Variants in PCBP3 observed in about 807,000 individuals in gnomAD.
The protein encoded by PCBP3 is poly(rC) binding protein 3.
In PCBP3, 25 loss-of-function variants were observed where a neutral mutation model predicts 52.7. The observed-to-expected ratio is 0.47, with a 90% CI of 0.35 to 0.66. PCBP3 has a LOEUF of 0.66. Ranked by LOEUF, PCBP3 falls within the 30% of genes least tolerant of loss-of-function variation. PCBP3 has a pLI of 0.01. For missense variants in PCBP3, 391 were observed against 490.3 expected, an observed-to-expected ratio of 0.80 and a Z score of 1.91; for synonymous variants, 162 against 183.0, an observed-to-expected ratio of 0.89 and a Z score of 0.93.
chr21:45,851,784 G>A (rs962685152), intron 5 of PCBP3, among the ~76,000 whole-genome samples: 1 of 152,212 alleles, frequency 6.6e-6, no homozygotes, highest in Admixed American at 6.5e-5. Context: ...AGAAGAAATA[G>A]AGAACTTGGA....
At chr21:45,734,258 C>T (rs1405563487) in intron 2 of PCBP3, among the ~76,000 whole-genome samples, 1 of 152,142 alleles carries the variant, frequency 6.6e-6, no homozygotes, top group Non-Finnish European at 1.5e-5. Context: ...GAACTCTTCC[C>T]AGATCTGTGT....
intron 5 of PCBP3, chr21:45,894,052 G>A: frequency 1.0e-6 from 1 of 985,040 alleles, no homozygotes; most frequent in African/African-American, 1.7e-5. Flanking sequence ...AGTGGTTGAT[G>A]CCTCGTCCAC....
At chr21:45,725,511 T>C (rs1199084519) in intron 2 of PCBP3, among the ~76,000 whole-genome samples, 1 of 152,148 alleles carries the variant, frequency 6.6e-6, no homozygotes, top group African/African-American at 2.4e-5. Flanking sequence ...GAGAAGACTG[T>C]GGGGGCAGTG....
At chr21:45,923,560 C>A (rs1236619707) in intron 13 of PCBP3, among the ~76,000 whole-genome samples, 3 of 152,174 alleles carry the variant, frequency 2.0e-5, no homozygotes, top group African/African-American at 7.2e-5. Flanking sequence ...TGCATCTTTA[C>A]AGGACCCTCG....
At chr21:45,740,689 G>A (rs1010790647) in intron 3 of PCBP3, among the ~76,000 whole-genome samples, 7 of 151,770 alleles carry the variant, frequency 4.6e-5, no homozygotes, top group South Asian at 2.1e-4. Context: ...GTACACATGC[G>A]TGTGTGTATG....
intron 4 of PCBP3, among the ~76,000 whole-genome samples, chr21:45,769,647 C>T (rs541277009): frequency 6.6e-6 from 1 of 152,356 alleles, no homozygotes; most frequent in Non-Finnish European, 1.5e-5. Context: ...GGCCAGCCTG[C>T]CTCTGCCCCA....
intron 1 of PCBP3, among the ~76,000 whole-genome samples, chr21:45,664,171 T>C (rs1277871838): frequency 1.4e-5 from 2 of 139,320 alleles, no homozygotes; most frequent in Non-Finnish European, 3.1e-5. Context: ...AAAATAAAGA[T>C]AAAATCCTAA....
intron 2 of PCBP3, among the ~76,000 whole-genome samples, chr21:45,685,660 G>A (rs1470998159): frequency 6.6e-6 from 1 of 152,160 alleles, no homozygotes; most frequent in African/African-American, 2.4e-5. Flanking sequence ...CAATGAGGGG[G>A]AATATAAGCA....
At chr21:45,887,151 G>A (rs2095543077) in intron 5 of PCBP3, among the ~76,000 whole-genome samples, 1 of 152,244 alleles carries the variant, frequency 6.6e-6, no homozygotes, top group African/African-American at 2.4e-5. Flanking sequence ...AAGCCCAGGG[G>A]TTCACCACCA....
At chr21:45,677,633 A>G (rs900877246) in intron 2 of PCBP3, among the ~76,000 whole-genome samples, 4 of 152,212 alleles carry the variant, frequency 2.6e-5, no homozygotes, top group African/African-American at 9.7e-5. Context: ...AAAAGAAGTC[A>G]ATGCCTGGCT....
chr21:45,820,599 C>G (rs1029421130), intron 4 of PCBP3, among the ~76,000 whole-genome samples: 3 of 152,114 alleles, frequency 2.0e-5, no homozygotes, highest in Non-Finnish European at 1.5e-5. Flanking sequence ...AGACTGTGCT[C>G]CGGGGAAACG....
chr21:45,923,849 A>C (rs7278531), intron 13 of PCBP3, among the ~76,000 whole-genome samples: 27,141 of 62,262 alleles, frequency 0.44, 4,306 homozygotes, highest in African/African-American at 0.6. Context: ...GGAACAGTCG[A>C]GTGGGTAGAA....
intron 1 of PCBP3, among the ~76,000 whole-genome samples, chr21:45,665,485 C>T (rs2080736841): frequency 1.3e-5 from 2 of 152,070 alleles, no homozygotes; most frequent in Admixed American, 1.3e-4. Context: ...TTATCAAATC[C>T]AGGAATCATT....
intron 2 of PCBP3, among the ~76,000 whole-genome samples, chr21:45,691,089 A>T (rs1264276374): frequency 2.0e-5 from 3 of 152,148 alleles, no homozygotes; most frequent in Non-Finnish European, 4.4e-5. Flanking sequence ...AGCTTTATTT[A>T]TAATAGTTAA....
chr21:45,763,913 T>C, intron 4 of PCBP3, among the ~76,000 whole-genome samples: 1 of 152,258 alleles, frequency 6.6e-6, no homozygotes, highest in African/African-American at 2.4e-5. Context: ...CTGCTTTTAG[T>C]TAGCCTTGAT....
intron 5 of PCBP3, among the ~76,000 whole-genome samples, chr21:45,876,489 G>A (rs370172680): frequency 1.1e-4 from 16 of 152,262 alleles, no homozygotes; most frequent in African/African-American, 3.9e-4. Context: ...CTGCCTTGAC[G>A]CTGAGTAGCA....
In PCBP3 at chr21:45,769,872, C is replaced by T. The variant is rs548033755; in HGVS notation, c.-126+14420C>T. On this transcript the variant is annotated intron_variant, in intron 4 of 17. Transcript: ENST00000681687. Reference sequence around the variant, plus strand: ...TTAACAGTACGGCAGCTCTGTGACTCAGCCCAGCAGAAACTGCATCTCTTG... The same window carrying T: ...TTAACAGTACGGCAGCTCTGTGACTTAGCCCAGCAGAAACTGCATCTCTTG... Among the ~76,000 whole-genome samples, 52 of 152,382 alleles carry T rather than the reference C, an allele frequency of 3.4e-4. No homozygotes were observed. In the South Asian group the frequency reaches 7.0e-3, roughly 21 times the overall value.
chr21:45,878,616 A>G (rs1458168049), intron 5 of PCBP3, among the ~76,000 whole-genome samples: 1 of 152,236 alleles, frequency 6.6e-6, no homozygotes, highest in Non-Finnish European at 1.5e-5. Context: ...ACAGCGGTGC[A>G]GAAGCTCTCA....
chr21:45,852,859 G>A (rs891973047), intron 5 of PCBP3, among the ~76,000 whole-genome samples: 1 of 152,252 alleles, frequency 6.6e-6, no homozygotes, highest in South Asian at 2.1e-4. Flanking sequence ...GATGTAATTT[G>A]TAACATCAGC....
Sources: allele counts gnomAD v4.1 joint callset (sites outside exome capture counted in the v4.1 genomes callset), GRCh38; gene constraint gnomAD v4.1.1; transcripts MANE v1.5; gene names NCBI Gene and HGNC (gene_info 2026-07-23, HGNC 2026-07-21).